The following FAM187A variants were observed in gnomAD, a reference collection of about 807,000 sequenced individuals.
FAM187A encodes Ig-like V-type domain-containing protein FAM187A.
In FAM187A, 4 loss-of-function variants were observed where a neutral mutation model predicts 6.4. That is an observed-to-expected ratio of 0.63 (90% CI 0.31 to 1.44). The LOEUF (loss-of-function observed/expected upper bound fraction) is 1.44. FAM187A is among the 40% of genes most tolerant of loss of function. The probability of loss-of-function intolerance (pLI) is 0.07; values close to 1 mark genes in which losing one functional copy is unlikely to be tolerated. For synonymous variants in FAM187A, 221 were observed against 213.4 expected (o/e 1.04, Z -0.31); for missense variants, 463 against 542.2 (o/e 0.85, Z 1.45).
At chr17:44,905,335 G>A (rs1313066537) in exon 4 of FAM187A, 1 of 483,984 alleles carries the variant, frequency 2.1e-6, no homozygotes, top group East Asian at 3.8e-5. Context: ...GGTCAGAGAA[G>A]GAAAGTGTGA....
At position 44,904,410 on chromosome 17, in the gene FAM187A, AC is replaced by A; in HGVS notation, c.583del (p.Leu195CysfsTer46). ...GAGCAGTGGCGCATCGGCCTCTGCT[AC>A]CTGCAGAGCCCAGACCTCTCCCCAC... On this transcript the variant is annotated frameshift_variant, in exon 4 of 4. Transcript: ENST00000331733. LOFTEE classifies it low-confidence loss of function (END_TRUNC). 1 of 1,542,510 alleles carries A rather than the reference AC, an allele frequency of 6.5e-7. No individual in the cohort carries two copies. Among genetic ancestry groups the A allele is most frequent in the Non-Finnish European group, 8.8e-7 (1 of 1,141,014 alleles).
exon 4 of FAM187A, chr17:44,905,175 A>T (rs1263130685): frequency 3.2e-5 from 28 of 862,384 alleles, no homozygotes; most frequent in Non-Finnish European, 4.1e-5. Flanking sequence ...TGGTAGGAAC[A>T]TGTGGACAAA....
rs60238918 is a variant in FAM187A at position 44,903,746 on chromosome 17, C to G, written c.-84C>G. 2.5e-5 allele frequency: 36 copies of G among 1,459,726 alleles called. No individual in the cohort carries two copies. In the East Asian group the frequency reaches 8.4e-4, roughly 34 times the overall value. The allele number at this position is 1,459,726 out of a possible 1,614,324, so 90.4% of individuals were successfully genotyped here. A position where few individuals can be genotyped will look rare whatever the true frequency, so the allele number is the denominator to read the frequency against. ...AATCCTTTCCTCATCTAGAGGCTTC[C>G]GCTTAGCAGAGCTTTCTAGGAGCCC... On this transcript the variant is annotated 5_prime_UTR_variant, in exon 4 of 4. Coordinates refer to ENST00000331733, the Ensembl canonical transcript of FAM187A.
At chr17:44,903,689 C>G (rs767853554) in exon 4 of FAM187A, 26 of 1,437,660 alleles carry the variant, frequency 1.8e-5, no homozygotes, top group Middle Eastern at 2.6e-4. Flanking sequence ...GCGGCTTCCT[C>G]TGCAGATTGT....
exon 4 of FAM187A, chr17:44,903,964 C>T (rs779413472): frequency 7.7e-6 from 12 of 1,550,468 alleles, no homozygotes; most frequent in Admixed American, 3.9e-5. Flanking sequence ...CCTACCTGGC[C>T]GACATGAGCT....
At chr17:44,904,351 A>G in exon 4 of FAM187A, 1 of 1,542,844 alleles carries the variant, frequency 6.5e-7, no homozygotes, top group African/African-American at 1.4e-5. Context: ...CCTTCTGGGA[A>G]TGGACCCCCT....
At position 44,903,968 on chromosome 17, in the gene FAM187A, A is replaced by G. The variant is rs566614925; in HGVS notation, c.139A>G (p.Met47Val). Residue 47 changes from methionine to valine, a missense_variant, in exon 4 of 4, where the codon ATG becomes GTG. Coordinates refer to ENST00000331733, the Ensembl canonical transcript of FAM187A. ...TGAAAATGCAGCCTACCTGGCCGACATGAGCTTTGAGCTTCCCTGTCACTG... is the reference window on the plus strand; with the variant it reads ...TGAAAATGCAGCCTACCTGGCCGACGTGAGCTTTGAGCTTCCCTGTCACTG... The G allele has an allele frequency of 4.9e-5, 76 of 1,550,622 alleles. No individual in the cohort carries two copies. The African/African-American group carries it at 9.0e-4, about 18-fold the overall frequency.
chr17:44,904,286 A>G (rs3826425), exon 4 of FAM187A: 475,386 of 1,549,140 alleles, frequency 0.31, 73,617 homozygotes, highest in Non-Finnish European at 0.32. Flanking sequence ...TTTCCAGGAC[A>G]AGGGCCAGGA....
chr17:44,904,795 G>A (rs763265664), exon 4 of FAM187A: 27 of 1,550,572 alleles, frequency 1.7e-5, no homozygotes, highest in Non-Finnish European at 1.9e-5. Flanking sequence ...CCATGAGGGT[G>A]TTCATTGACC....
chr17:44,904,977 T>G (rs1361796640), exon 4 of FAM187A: 3 of 1,550,662 alleles, frequency 1.9e-6, no homozygotes, highest in Admixed American at 3.9e-5. Context: ...CTCACCCTGA[T>G]AGGCTACCTG....
chr17:44,905,262 G>C lies in FAM187A; in HGVS notation c.*191G>C, dbSNP rs760155221. On this transcript the variant is annotated 3_prime_UTR_variant, in exon 4 of 4. Transcript: ENST00000331733. Reference sequence around the variant, plus strand: ...AGAAGTGGAGGGGCCTGAGGCTGGTGGGAGATTGGGGACTGAGCTCAGGAT... The same window carrying C: ...AGAAGTGGAGGGGCCTGAGGCTGGTCGGAGATTGGGGACTGAGCTCAGGAT... The C allele has an allele frequency of 1.5e-5, 9 of 594,020 alleles. No individual in the cohort carries two copies. The Admixed American group carries it at 1.9e-4, about 13-fold the overall frequency. The allele number at this position is 594,020 out of a possible 1,614,324, so 36.8% of individuals were successfully genotyped here. A position where few individuals can be genotyped will look rare whatever the true frequency, so the allele number is the denominator to read the frequency against.
exon 4 of FAM187A, chr17:44,904,559 G>A (rs2051621020): frequency 6.4e-7 from 1 of 1,550,486 alleles, no homozygotes; most frequent in South Asian, 1.2e-5. Flanking sequence ...AGTACCCTGT[G>A]AGAAGACAAA....
At position 44,904,706 on chromosome 17, in the gene FAM187A, C is replaced by T. The variant is rs557308240; in HGVS notation, c.877C>T (p.Arg293Trp). Residue 293 changes from arginine to tryptophan, a missense_variant, in exon 4 of 4, where the codon CGG becomes TGG. Transcript: ENST00000331733. ...ACTCATCATCTCCTGTCCTGGGGCC[C>T]GGCCAGAGCATGCAGTGGCCTGGGA... 561 of 1,550,576 alleles carry T rather than the reference C, an allele frequency of 3.6e-4. 4 individuals are homozygous for T. Among genetic ancestry groups the T allele is most frequent in the Non-Finnish European group, 2.3e-4 (260 of 1,146,988 alleles).
At chr17:44,904,577 C>T (rs778188539) in exon 4 of FAM187A, 20 of 1,550,566 alleles carry the variant, frequency 1.3e-5, no homozygotes, top group South Asian at 8.3e-5. Context: ...AAAGACCATC[C>T]GGGAGGGCGT....
rs1210280001 is a variant in FAM187A at position 44,903,905 on chromosome 17, A to C, written c.76A>C (p.Ile26Leu). The change falls in exon 4 of 4, where the codon ATT becomes CTT. Residue 26 changes from isoleucine (I) to leucine (L), a missense_variant. Transcript: ENST00000331733. ...CTTTGAAATTGTGGAGAAGGAAAAC[A>C]TTTTTCAGAGGACCCCCTGCCCTGC... The C allele has an allele frequency of 5.8e-6, 9 of 1,550,540 alleles. No homozygotes were observed. In the Admixed American group the frequency reaches 9.8e-5, roughly 17 times the overall value.
chr17:44,903,448 C>G, exon 4 of FAM187A: 2 of 1,252,508 alleles, frequency 1.6e-6, no homozygotes, highest in Non-Finnish European at 2.0e-6. Flanking sequence ...TTCCACCAGG[C>G]TGGCAGGGCA....
chr17:44,904,621 C>T (rs771678418), exon 4 of FAM187A: 5 of 1,550,572 alleles, frequency 3.2e-6, no homozygotes, highest in South Asian at 1.2e-5. Flanking sequence ...CCAAAGTGGG[C>T]AGCCGGCCCT....
At chr17:44,903,580 C>T in exon 4 of FAM187A, 7 of 1,392,972 alleles carry the variant, frequency 5.0e-6, no homozygotes, top group Non-Finnish European at 5.6e-6. Flanking sequence ...GAGTAAAGGC[C>T]AGGTTCTAGA....
chr17:44,904,704 C>T (rs2051624626), exon 4 of FAM187A: 6 of 1,550,566 alleles, frequency 3.9e-6, no homozygotes, highest in Non-Finnish European at 5.2e-6. Context: ...TGTCCTGGGG[C>T]CCGGCCAGAG....
Sources: allele counts gnomAD v4.1 joint callset, GRCh38; gene constraint gnomAD v4.1.1; transcripts MANE v1.5; gene names NCBI Gene and HGNC (gene_info 2026-07-23, HGNC 2026-07-21).